The following FAM241A variants were observed in gnomAD, a reference collection of about 807,000 sequenced individuals.
The protein encoded by FAM241A is uncharacterized protein FAM241A.
FAM241A carries 7 observed loss-of-function variants against 12.2 expected under a neutral mutation model. The ratio of observed to expected loss-of-function variants is 0.58; its 90% confidence interval spans 0.33 to 1.08. The LOEUF is 1.08. FAM241A is among the 50% of genes least tolerant of loss of function. The pLI is 0.04. For missense variants in FAM241A, 161 were observed against 169.7 expected (o/e 0.95, Z 0.29); for synonymous variants, 74 against 68.2 (o/e 1.08, Z -0.42).
At chr4:112,171,963 T>A (rs1222030234) in intron 1 of FAM241A, among the ~76,000 whole-genome samples, 1 of 152,224 alleles carries the variant, frequency 6.6e-6, no homozygotes, top group Non-Finnish European at 1.5e-5. Flanking sequence ...AAACTGCTTT[T>A]AAAAACTGAT....
Position 112,192,257 on chromosome 4 carries a change from G to T in FAM241A, c.*5319G>T, listed in dbSNP as rs189076024. The T allele has an allele frequency of 6.6e-6, 1 of 151,952 alleles. No homozygotes were observed. The highest frequency in any genetic ancestry group is 1.5e-5 in the Non-Finnish European group (1 of 67,990). The allele number at this position is 151,952 out of a possible 1,614,324, so 9.4% of individuals were successfully genotyped here. A position where few individuals can be genotyped will look rare whatever the true frequency, so the allele number is the denominator to read the frequency against. Reference sequence around the variant, plus strand: ...AAAAAGGATATTTTACAATACCTACGGTCACTGATACTACCAGAACTTCAC... The same window carrying T: ...AAAAAGGATATTTTACAATACCTACTGTCACTGATACTACCAGAACTTCAC... On this transcript the variant is annotated 3_prime_UTR_variant, in exon 2 of 2. Coordinates refer to ENST00000309733, the MANE Select transcript of FAM241A (RefSeq NM_152400.3).
chr4:112,145,588 C>T lies in FAM241A; in HGVS notation c.8C>T (p.Ser3Leu), dbSNP rs766688626. 2.7e-5 allele frequency: 34 copies of T among 1,247,818 alleles called. No individual in the cohort carries two copies. Among genetic ancestry groups the T allele is most frequent in the Non-Finnish European group, 3.3e-5 (33 of 995,222 alleles). The allele number at this position is 1,247,818 out of a possible 1,614,324, so 77.3% of individuals were successfully genotyped here. ...GTAGGAGTTGGCTGCGGGATGTGCT[C>T]AGCCGGGGAGCTGCTGCGGGGCGGC... MC[S>L]AGELLRGGDG... The change falls in exon 1 of 2, where the codon TCA becomes TTA. Residue 3 changes from serine to leucine, a missense_variant. Transcript: ENST00000309733.
rs1479614486 is a variant in FAM241A, at chr4:112,189,796, C to T, written c.*2858C>T. The T allele has an allele frequency of 2.0e-5, 3 of 151,610 alleles. No individual in the cohort carries two copies. Among genetic ancestry groups the T allele is most frequent in the Non-Finnish European group, 2.9e-5 (2 of 67,968 alleles). The allele number at this position is 151,610 out of a possible 1,614,324, so 9.4% of individuals were successfully genotyped here. A position where few individuals can be genotyped will look rare whatever the true frequency, so the allele number is the denominator to read the frequency against. On this transcript the variant is annotated 3_prime_UTR_variant, in exon 2 of 2. Coordinates refer to ENST00000309733, the MANE Select transcript of FAM241A (RefSeq NM_152400.3). ...GTCAAGTTGGTAGTTTGAAATTGGCCATGGTGAGAGTATTTACACCAAAAA... is the reference window on the plus strand; with the variant it reads ...GTCAAGTTGGTAGTTTGAAATTGGCTATGGTGAGAGTATTTACACCAAAAA...
In FAM241A at chr4:112,186,858, G is replaced by A. The variant is rs1343310597; in HGVS notation, c.319G>A (p.Val107Ile). The A allele has an allele frequency of 1.9e-6, 3 of 1,613,918 alleles. No homozygotes were observed. The East Asian group carries it at 6.7e-5, about 36-fold the overall frequency. The change falls in exon 2 of 2, where the codon GTT (valine) becomes ATT (isoleucine). Residue 107 changes from valine (V) to isoleucine (I), a missense_variant. Val to Ile is a conservative substitution (Grantham distance 29). Transcript: ENST00000309733. Reference protein sequence around the residue: ...VEPVIVIFFWVMLWFLGLQAL... With the variant: ...VEPVIVIFFWIMLWFLGLQAL... ...ACCAGTAATAGTCATTTTCTTTTGG[G>A]TTATGCTGTGGTTCCTTGGCCTGCA... is the stretch of plus-strand genomic sequence containing the variant.
chr4:112,149,651 G>A (rs990487255), intron 1 of FAM241A, among the ~76,000 whole-genome samples: 5 of 152,192 alleles, frequency 3.3e-5, no homozygotes, highest in African/African-American at 1.2e-4. Flanking sequence ...CAGCACTGGT[G>A]TGTAAAAAGG....
intron 1 of FAM241A, among the ~76,000 whole-genome samples, chr4:112,172,671 A>G (rs1445765871): frequency 6.6e-6 from 1 of 152,146 alleles, no homozygotes; most frequent in East Asian, 1.9e-4. Flanking sequence ...TAACCTCCAC[A>G]CTAGATTGTT....
intron 1 of FAM241A, among the ~76,000 whole-genome samples, chr4:112,180,078 T>C (rs1298920865): frequency 2.0e-5 from 3 of 151,360 alleles, no homozygotes; most frequent in African/African-American, 4.9e-5. Context: ...TGGAGACCAC[T>C]ATCCTAACCA....
rs1178235311 is a variant in FAM241A, at chr4:112,188,531, T to C, written c.*1593T>C. ...AAAAAACAAAAGACTTTGTACGATA[T>C]TGTGTTTTTATTGCTTTTGCAATAT... On this transcript the variant is annotated 3_prime_UTR_variant, in exon 2 of 2. Transcript: ENST00000309733. 1 of 152,148 alleles carries C rather than the reference T, an allele frequency of 6.6e-6. No homozygotes were observed. The highest frequency in any genetic ancestry group is 1.5e-5 in the Non-Finnish European group (1 of 67,990). 9.4% of individuals were successfully genotyped at this position (152,148 alleles called of 1,614,324 possible). A position where few individuals can be genotyped will look rare whatever the true frequency, so the allele number is the denominator to read the frequency against.
intron 1 of FAM241A, among the ~76,000 whole-genome samples, chr4:112,176,019 A>C (rs1403449199): frequency 6.6e-6 from 1 of 152,216 alleles, no homozygotes; most frequent in Non-Finnish European, 1.5e-5. Flanking sequence ...GTGAATCTTA[A>C]ATCGTCAACT....
Position 112,195,111 on chromosome 4 carries a change from T to G in FAM241A, c.*8173T>G, listed in dbSNP as rs1317413031. The G allele has an allele frequency of 6.6e-6, 1 of 152,248 alleles. No individual in the cohort carries two copies. The highest frequency in any genetic ancestry group is 6.5e-5 in the Admixed American group (1 of 15,288). 9.4% of individuals were successfully genotyped at this position (152,248 alleles called of 1,614,324 possible). A position where few individuals can be genotyped will look rare whatever the true frequency, so the allele number is the denominator to read the frequency against. On this transcript the variant is annotated 3_prime_UTR_variant, in exon 2 of 2. Coordinates refer to ENST00000309733, the MANE Select transcript of FAM241A (RefSeq NM_152400.3). ...TACAAAAAACTCTTAAACTTTTTTG[T>G]GAGCAGAAATTCTCAAGTATCGAAG...
chr4:112,159,727 C>T (rs1449809165), intron 1 of FAM241A, among the ~76,000 whole-genome samples: 1 of 152,084 alleles, frequency 6.6e-6, no homozygotes, highest in Non-Finnish European at 1.5e-5. Flanking sequence ...ATTCAACATC[C>T]CTTCATGATT....
In FAM241A at chr4:112,188,665, G is replaced by C. The variant is rs987484552; in HGVS notation, c.*1727G>C. 1 of 152,052 alleles carries C rather than the reference G, an allele frequency of 6.6e-6. No individual in the cohort carries two copies. The highest frequency in any genetic ancestry group is 2.4e-5 in the African/African-American group (1 of 41,432). 9.4% of individuals were successfully genotyped at this position (152,052 alleles called of 1,614,324 possible). A position where few individuals can be genotyped will look rare whatever the true frequency, so the allele number is the denominator to read the frequency against. On this transcript the variant is annotated 3_prime_UTR_variant, in exon 2 of 2. Transcript: ENST00000309733. ...TTTTCAATAGATGTCATGAGATTTT[G>C]TATATCTACATAAAATATCAGTACA... is the stretch of plus-strand genomic sequence containing the variant.
chr4:112,154,426 C>A (rs1409705018), intron 1 of FAM241A, among the ~76,000 whole-genome samples: 2 of 152,040 alleles, frequency 1.3e-5, no homozygotes, highest in Non-Finnish European at 2.9e-5. Context: ...TACTACCATG[C>A]CTGGCTAATT....
rs1422732121 is a variant in FAM241A, at chr4:112,193,864, G to GT, written c.*6932dup. ...TTGGTTCCATATGAACTTTAAAGTA[G>GT]TTTTTTCCAATTCTGTGAAGAAAGT... On this transcript the variant is annotated 3_prime_UTR_variant, in exon 2 of 2. Transcript: ENST00000309733. The GT allele has an allele frequency of 6.7e-6, 1 of 148,606 alleles. No homozygotes were observed. The highest frequency in any genetic ancestry group is 2.0e-4 in the East Asian group (1 of 5,086). 9.2% of individuals were successfully genotyped at this position (148,606 alleles called of 1,614,324 possible).
intron 1 of FAM241A, among the ~76,000 whole-genome samples, chr4:112,146,108 C>T (rs903423269): frequency 6.6e-6 from 1 of 152,164 alleles, no homozygotes; most frequent in Non-Finnish European, 1.5e-5. Context: ...ACTTCGAGTC[C>T]GTGCCCTGCG....
rs559639085 is a variant in FAM241A at position 112,161,538 on chromosome 4, G to A, written c.153+15805G>A. On this transcript the variant is annotated intron_variant, in intron 1 of 1. Transcript: ENST00000309733. ...CAGAGAATACTATAAACACCACTACGCAAGTAAACTAGAAAATCTAGAAGA... is the reference window on the plus strand; with the variant it reads ...CAGAGAATACTATAAACACCACTACACAAGTAAACTAGAAAATCTAGAAGA... Among the ~76,000 whole-genome samples the A allele has an allele frequency of 9.2e-5, 14 of 152,202 alleles. No homozygotes were observed. The South Asian group carries it at 2.7e-3, about 29-fold the overall frequency.
chr4:112,183,143 T>G (rs1723974703), intron 1 of FAM241A, among the ~76,000 whole-genome samples: 1 of 152,132 alleles, frequency 6.6e-6, no homozygotes, highest in South Asian at 2.1e-4. Flanking sequence ...TTTTTAAACT[T>G]TTTTCTTCTT....
intron 1 of FAM241A, among the ~76,000 whole-genome samples, chr4:112,148,780 T>C (rs1417302978): frequency 6.6e-6 from 1 of 152,206 alleles, no homozygotes; most frequent in Non-Finnish European, 1.5e-5. Flanking sequence ...TGGCTTTATG[T>C]AAGAGTTTCT....
intron 1 of FAM241A, among the ~76,000 whole-genome samples, chr4:112,182,922 G>A (rs1723969423): frequency 2.0e-5 from 3 of 151,402 alleles, no homozygotes; most frequent in Non-Finnish European, 4.4e-5. Flanking sequence ...TAATCTCACT[G>A]ATTGAAGAAT....
Sources: allele counts gnomAD v4.1 joint callset (sites outside exome capture counted in the v4.1 genomes callset), GRCh38; gene constraint gnomAD v4.1.1; transcripts MANE v1.5; gene names NCBI Gene and HGNC (gene_info 2026-07-23, HGNC 2026-07-21).